Variants in MAP3K21 observed in about 807,000 individuals in gnomAD.
MAP3K21 encodes the protein mitogen-activated protein kinase kinase kinase MLK4.
A neutral mutation model predicts 86.1 loss-of-function variants in MAP3K21; 63 were observed. The ratio of observed to expected loss-of-function variants is 0.73; its 90% CI spans 0.60 to 0.90. MAP3K21 has a LOEUF of 0.90. MAP3K21 is among the 40% of genes least tolerant of loss of function. The probability of loss-of-function intolerance (pLI) is 0.00; values close to 1 mark genes in which losing one functional copy is unlikely to be tolerated. For synonymous variants in MAP3K21, 558 were observed against 564.8 expected, an observed-to-expected ratio of 0.99 and a Z score of 0.17; for missense variants, 1,220 against 1,367.7, an observed-to-expected ratio of 0.89 and a Z score of 1.70.
chr1:233,336,999 C>T (rs762786019), intron 1 of MAP3K21, among the ~76,000 whole-genome samples: 1 of 152,198 alleles, frequency 6.6e-6, no homozygotes, highest in African/African-American at 2.4e-5. Flanking sequence ...TTGTTCCTTT[C>T]ACATTGGAGG....
chr1:233,339,545 A>G (rs1261945199), intron 1 of MAP3K21, among the ~76,000 whole-genome samples: 1 of 148,792 alleles, frequency 6.7e-6, no homozygotes, highest in African/African-American at 2.5e-5. Flanking sequence ...CAGCAGTGCT[A>G]TCACAGCCCA....
At chr1:233,374,609 A>G (rs566245059) in intron 6 of MAP3K21, among the ~76,000 whole-genome samples, 1 of 152,296 alleles carries the variant, frequency 6.6e-6, no homozygotes, top group East Asian at 1.9e-4. Context: ...GATATAAAGG[A>G]GTTAAATTTC....
chr1:233,349,967 A>G (rs1663218170), intron 2 of MAP3K21, among the ~76,000 whole-genome samples: 1 of 151,856 alleles, frequency 6.6e-6, no homozygotes, highest in South Asian at 2.1e-4. Context: ...GAAAGATGAA[A>G]TACAGAAATG....
chr1:233,367,822 G>A (rs1663606324), intron 5 of MAP3K21, among the ~76,000 whole-genome samples: 1 of 148,292 alleles, frequency 6.7e-6, no homozygotes, highest in Non-Finnish European at 1.5e-5. Flanking sequence ...TCTCGCCACT[G>A]CACTCCAGCC....
In MAP3K21 at chr1:233,379,172, T is replaced by G. The variant is rs1468962189; in HGVS notation, c.2166T>G (p.Ala722=). Residue 722 remains alanine (A), a synonymous_variant, in exon 9 of 10, where the codon GCT becomes GCG. Transcript: ENST00000366624. ...CCCAGAGAAAGAAAACGGAGTCAGC[T>G]CTGTATGGGTGCACCGTCCTTCTGG... ...RSPQRKKTES[A]LYGCTVLLAS... 1 of 1,614,144 alleles carries G rather than the reference T, an allele frequency of 6.2e-7. No individual in the cohort carries two copies. The highest frequency in any genetic ancestry group is 8.5e-7 in the Non-Finnish European group (1 of 1,180,008).
chr1:233,333,902 C>T (rs1662861125), intron 1 of MAP3K21, among the ~76,000 whole-genome samples: 1 of 152,124 alleles, frequency 6.6e-6, no homozygotes, highest in Non-Finnish European at 1.5e-5. Flanking sequence ...CTCGCTCTGT[C>T]CCCAGGCTGG....
chr1:233,380,299 G>A (rs559546112), intron 9 of MAP3K21, among the ~76,000 whole-genome samples: 18 of 152,304 alleles, frequency 1.2e-4, no homozygotes, highest in African/African-American at 2.6e-4. Context: ...CTAGACGGCC[G>A]TTTTCTCCCT....
intron 2 of MAP3K21, among the ~76,000 whole-genome samples, chr1:233,350,891 AC>A (rs1381294111): frequency 6.6e-6 from 1 of 152,190 alleles, no homozygotes; most frequent in Non-Finnish European, 1.5e-5. Flanking sequence ...TGTGTACTAT[AC>A]TTTAGAAGTA....
At chr1:233,334,742 A>G (rs908548478) in intron 1 of MAP3K21, among the ~76,000 whole-genome samples, 1 of 152,226 alleles carries the variant, frequency 6.6e-6, no homozygotes, top group Non-Finnish European at 1.5e-5. Context: ...ATCTGCTGCA[A>G]GAAAACACAT....
Position 233,327,883 on chromosome 1 carries a change from C to G in MAP3K21, c.-146C>G. On this transcript the variant is annotated 5_prime_UTR_variant, in exon 1 of 10. Coordinates refer to ENST00000366624, the MANE Select transcript of MAP3K21 (RefSeq NM_032435.3). ...GGCTGGACCCTTTGGGCAGCTAGCC[C>G]GTGATCTCTGCCGTCACCGATCGCG... The G allele has an allele frequency of 1.8e-6, 1 of 558,226 alleles. No homozygotes were observed. The highest frequency in any genetic ancestry group is 8.8e-5 in the South Asian group (1 of 11,356). 34.6% of individuals were successfully genotyped at this position (558,226 alleles called of 1,614,324 possible). A position where few individuals can be genotyped will look rare whatever the true frequency, so the allele number is the denominator to read the frequency against.
At chr1:233,346,351 A>G in intron 1 of MAP3K21, 91 bp from the exon 2 acceptor site, 2 of 956,540 alleles carry the variant, frequency 2.1e-6, no homozygotes, top group South Asian at 3.3e-5. Context: ...TCTGCCAACT[A>G]CAGTGAAGAT....
Position 233,353,792 on chromosome 1 carries a change from A to G in MAP3K21, c.987-15A>G, listed in dbSNP as rs1663295248. On this transcript the variant is annotated splice_polypyrimidine_tract_variant and intron_variant, in intron 2 of 9. Coordinates refer to ENST00000366624, the MANE Select transcript of MAP3K21 (RefSeq NM_032435.3). The stretch of plus-strand genomic sequence containing the variant: ...CTGTTTAGCCCATTGAGCATATGAA[A>G]TCCTTGCTTTCTAGCTATGGAGTGC... 1.3e-6 allele frequency: 2 copies of G among 1,562,488 alleles called. No homozygotes were observed. The highest frequency in any genetic ancestry group is 8.6e-7 in the Non-Finnish European group (1 of 1,157,668).
intron 1 of MAP3K21, among the ~76,000 whole-genome samples, chr1:233,329,474 C>A (rs567829801): frequency 6.6e-6 from 1 of 152,050 alleles, no homozygotes; most frequent in East Asian, 1.9e-4. Context: ...GCCAACATGG[C>A]GAAACCCTGT....
At chr1:233,335,203 G>T (rs760969501) in intron 1 of MAP3K21, among the ~76,000 whole-genome samples, 3 of 152,120 alleles carry the variant, frequency 2.0e-5, no homozygotes, top group Non-Finnish European at 4.4e-5. Flanking sequence ...TTAATGGGCA[G>T]AGGGTTTTGT....
chr1:233,369,220 C>CAAAAAAAA lies in MAP3K21; in HGVS notation c.1553-2805_1553-2798dup, dbSNP rs35461412. ...GTGAAACCCCGTCTCTAGTAAAATA[C>CAAAAAAAA]AAAAAAAAAAAAAAAAAAAATTAGC... is the stretch of plus-strand genomic sequence containing the variant. On this transcript the variant is annotated intron_variant, in intron 5 of 9. Transcript: ENST00000366624. Among the ~76,000 whole-genome samples, 47 of 105,586 alleles carry CAAAAAAAA rather than the reference C, an allele frequency of 4.5e-4. 1 individual carries two copies. The South Asian group carries it at 9.9e-3, about 22-fold the overall frequency. 69.3% of individuals were successfully genotyped at this position (105,586 alleles called of 152,430 possible).
At chr1:233,345,748 AT>A (rs1663126460) in intron 1 of MAP3K21, among the ~76,000 whole-genome samples, 2 of 148,160 alleles carry the variant, frequency 1.3e-5, no homozygotes, top group African/African-American at 5.1e-5. Context: ...AATAATAATA[AT>A]AATAATAATA....
At chr1:233,381,604 G>A (rs1663917777) in intron 9 of MAP3K21, among the ~76,000 whole-genome samples, 2 of 151,616 alleles carry the variant, frequency 1.3e-5, no homozygotes. Context: ...ATTGTTCATT[G>A]CCTTTAGATA....
intron 1 of MAP3K21, among the ~76,000 whole-genome samples, chr1:233,346,016 T>C (rs973309262): frequency 4.6e-5 from 7 of 152,248 alleles, no homozygotes; most frequent in African/African-American, 1.7e-4. Context: ...TGTAAGATAA[T>C]GTTTGATAAT....
rs60541029 is a variant in MAP3K21 at position 233,334,164 on chromosome 1, CTTTTTT to C, written c.805+5347_805+5352del. Among the ~76,000 whole-genome samples, 526 of 136,812 alleles carry C rather than the reference CTTTTTT, an allele frequency of 3.8e-3. 2 individuals are homozygous for C. Among genetic ancestry groups the C allele is most frequent in the African/African-American group, 4.9e-3 (176 of 36,158 alleles). The allele number at this position is 136,812 out of a possible 152,430, so 89.8% of individuals were successfully genotyped here. The stretch of plus-strand genomic sequence containing the variant: ...ACAGGTGTGAGCCACCGTGCCTGGA[CTTTTTT>C]TTTTTTTTTTTTTTTAATACAAGGT... On this transcript the variant is annotated intron_variant, in intron 1 of 9. Transcript: ENST00000366624.
Sources: gnomAD v4.1 joint callset for allele counts (sites outside exome capture counted in the v4.1 genomes callset) on GRCh38, gnomAD v4.1.1 for gene constraint, MANE v1.5 for transcripts, NCBI Gene and HGNC (gene_info 2026-07-23, HGNC 2026-07-21) for gene names.